MYO3B: variants seen among roughly 807,000 people sequenced by gnomAD.
The protein encoded by MYO3B is myosin-IIIb.
Under a neutral mutation model 174.6 loss-of-function variants are expected in MYO3B, and 156 were observed. That is an observed-to-expected ratio of 0.89 (90% CI 0.78 to 1.02). The LOEUF (loss-of-function observed/expected upper bound fraction) is 1.02, where lower values mean the gene tolerates loss of function less well. Ranked by LOEUF, MYO3B falls within the 50% of genes least tolerant of loss-of-function variation. The probability of loss-of-function intolerance (pLI) is 0.00; values close to 1 mark genes in which losing one functional copy is unlikely to be tolerated. For synonymous variants in MYO3B, 563 were observed against 569.1 expected (o/e 0.99, Z 0.15); for missense variants, 1,632 against 1,639.4 (o/e 1.00, Z 0.08).
At chr2:170,249,855 A>G (rs536276063) in intron 7 of MYO3B, among the ~76,000 whole-genome samples, 5 of 152,222 alleles carry the variant, frequency 3.3e-5, no homozygotes, top group Admixed American at 2.0e-4. Flanking sequence ...CACAAAATGG[A>G]CAAGTGGCTT....
At chr2:170,605,509 C>A (rs898383460) in intron 32 of MYO3B, among the ~76,000 whole-genome samples, 6 of 152,126 alleles carry the variant, frequency 3.9e-5, no homozygotes, top group African/African-American at 7.2e-5. Flanking sequence ...AACTCTTGAT[C>A]CCCTCATGTC....
rs370333473 is a variant in MYO3B at position 170,404,255 on chromosome 2, T to C, written c.2286T>C (p.Tyr762=). 6.2e-7 allele frequency: 1 copy of C among 1,603,392 alleles called. No individual in the cohort carries two copies. Among genetic ancestry groups the C allele is most frequent in the Non-Finnish European group, 8.5e-7 (1 of 1,175,932 alleles). The change falls in exon 20 of 35, where the codon TAT becomes TAC. Residue 762 remains tyrosine (Y), a synonymous_variant. Transcript: ENST00000408978. The part of the protein sequence containing the change: ...QHVFALEQME[Y]QNEGIDAVPV... ...AATCCATTTCCCTCCAGATGGAATATCAGAATGAAGGCATTGATGCTGTAC... is the reference window on the plus strand; with the variant it reads ...AATCCATTTCCCTCCAGATGGAATACCAGAATGAAGGCATTGATGCTGTAC...
Position 170,369,215 on chromosome 2 carries a change from C to A in MYO3B, c.816-7C>A, listed in dbSNP as rs1158282260. The A allele has an allele frequency of 3.7e-6, 6 of 1,610,074 alleles. No homozygotes were observed. Among genetic ancestry groups the A allele is most frequent in the Non-Finnish European group, 5.1e-6 (6 of 1,177,438 alleles). ...ACTTTGGATTGTTTGTTGGTTTTTG[C>A]AAACAGGTGTCTTATTAAGGATTTT... On this transcript the variant is annotated splice_region_variant and splice_polypyrimidine_tract_variant and intron_variant, in intron 8 of 34. Transcript: ENST00000408978.
At chr2:170,331,233 A>G (rs2093909708) in intron 7 of MYO3B, among the ~76,000 whole-genome samples, 2 of 152,230 alleles carry the variant, frequency 1.3e-5, no homozygotes, top group South Asian at 4.1e-4. Context: ...CCATTTGTAT[A>G]TATCATGCAA....
chr2:170,617,554 T>TCC (rs1481809105), intron 32 of MYO3B, among the ~76,000 whole-genome samples: 1 of 152,180 alleles, frequency 6.6e-6, no homozygotes, highest in Admixed American at 6.5e-5. Flanking sequence ...TAACACTTTC[T>TCC]CCAGCCCAAA....
At chr2:170,597,140 G>C (rs141505603) in intron 32 of MYO3B, among the ~76,000 whole-genome samples, 18 of 152,162 alleles carry the variant, frequency 1.2e-4, no homozygotes, top group African/African-American at 4.3e-4. Context: ...AGCCACCATG[G>C]AACAAACCCT....
chr2:170,415,252 A>C lies in MYO3B; in HGVS notation c.2650+7408A>C, dbSNP rs185566684. Reference sequence around the variant, plus strand: ...TGCACTTACTGTTCCCTATATCTGGAACTTTTTTTTCTTTCCTAAGACATA... The same window carrying C: ...TGCACTTACTGTTCCCTATATCTGGCACTTTTTTTTCTTTCCTAAGACATA... On this transcript the variant is annotated intron_variant, in intron 22 of 34. Coordinates refer to ENST00000408978, the MANE Select transcript of MYO3B (RefSeq NM_138995.5). Among the ~76,000 whole-genome samples, 663 of 152,236 alleles carry C rather than the reference A, an allele frequency of 4.4e-3. 4 individuals carry two copies. Among genetic ancestry groups the C allele is most frequent in the Non-Finnish European group, 7.2e-3 (492 of 68,020 alleles).
intron 7 of MYO3B, among the ~76,000 whole-genome samples, chr2:170,297,715 A>G (rs1461109105): frequency 2.6e-5 from 4 of 152,194 alleles, no homozygotes; most frequent in Non-Finnish European, 5.9e-5. Context: ...CCAGAAATAT[A>G]TAGAGTAATA....
At chr2:170,451,871 C>T (rs1417353236) in intron 23 of MYO3B, among the ~76,000 whole-genome samples, 1 of 152,140 alleles carries the variant, frequency 6.6e-6, no homozygotes. Context: ...ATTAAGGGTC[C>T]CATTTTTATA....
intron 30 of MYO3B, among the ~76,000 whole-genome samples, chr2:170,528,202 C>T (rs1394959879): frequency 2.0e-5 from 3 of 152,132 alleles, no homozygotes; most frequent in African/African-American, 7.2e-5. Flanking sequence ...AAAATAAGCT[C>T]CAAGTTTGGG....
At position 170,202,571 on chromosome 2, in the gene MYO3B, A is replaced by G. The variant is rs986270169; in HGVS notation, c.321+2287A>G. ...TTGGTTGTATGGCAGAACTGGAAGGAAAAGCATATTTCAGCACATTTTCTT... is the reference window on the plus strand; with the variant it reads ...TTGGTTGTATGGCAGAACTGGAAGGGAAAGCATATTTCAGCACATTTTCTT... On this transcript the variant is annotated intron_variant, in intron 3 of 34. Transcript: ENST00000408978. Among the ~76,000 whole-genome samples, 3 of 152,200 alleles carry G rather than the reference A, an allele frequency of 2.0e-5. No homozygotes were observed. In the East Asian group the frequency reaches 5.8e-4, roughly 29 times the overall value.
At chr2:170,443,865 T>C in intron 22 of MYO3B, 102 bp from the exon 23 acceptor site, 3 of 887,108 alleles carry the variant, frequency 3.4e-6, no homozygotes, top group Non-Finnish European at 4.9e-6. Flanking sequence ...GCAGATTGTT[T>C]TGAAAATTCA....
intron 32 of MYO3B, among the ~76,000 whole-genome samples, chr2:170,617,654 G>C (rs552058919): frequency 7.2e-5 from 11 of 152,124 alleles, no homozygotes; most frequent in African/African-American, 2.7e-4. Flanking sequence ...CTTTGGAGGC[G>C]CAACCCCTGC....
At chr2:170,363,950 A>G (rs972956945) in intron 8 of MYO3B, among the ~76,000 whole-genome samples, 3 of 152,226 alleles carry the variant, frequency 2.0e-5, no homozygotes, top group South Asian at 4.1e-4. Context: ...TGATTTGGGG[A>G]AAAGTAGTGT....
In MYO3B at chr2:170,390,768, A is replaced by T. The variant is rs192957427; in HGVS notation, c.1578-752A>T. ...ACTCTGTGCTAAGGGACCACTTTTT[A>T]AAAAAAATCTCCAACCCATTTTGAA... On this transcript the variant is annotated intron_variant, in intron 14 of 34. Transcript: ENST00000408978. Among the ~76,000 whole-genome samples the T allele has an allele frequency of 2.0e-3, 306 of 152,218 alleles. 1 individual carries two copies. The highest frequency in any genetic ancestry group is 6.6e-3 in the African/African-American group (274 of 41,544).
intron 32 of MYO3B, among the ~76,000 whole-genome samples, chr2:170,558,095 A>G (rs1691451200): frequency 6.6e-6 from 1 of 152,168 alleles, no homozygotes; most frequent in African/African-American, 2.4e-5. Flanking sequence ...AGGTCAGGAG[A>G]TCAAGACCAT....
At chr2:170,343,973 A>G (rs1394811470) in intron 8 of MYO3B, 1 of 152,258 alleles carries the variant, frequency 6.6e-6, no homozygotes, top group Non-Finnish European at 1.5e-5. Context: ...ACTTGAAATC[A>G]GCTGGGAGTT....
intron 3 of MYO3B, among the ~76,000 whole-genome samples, chr2:170,203,545 A>C (rs901882093): frequency 1.2e-4 from 18 of 151,434 alleles, no homozygotes; most frequent in Non-Finnish European, 2.5e-4. Context: ...AGACAGAGAG[A>C]CCGACAGACC....
intron 8 of MYO3B, among the ~76,000 whole-genome samples, chr2:170,342,516 T>A (rs1454672042): frequency 2.3e-5 from 3 of 131,826 alleles, no homozygotes; most frequent in Non-Finnish European, 4.9e-5. Context: ...GCTGTGTCAC[T>A]TACTGGCTGT....
Sources: gnomAD v4.1 joint callset for allele counts (sites outside exome capture counted in the v4.1 genomes callset) on GRCh38, gnomAD v4.1.1 for gene constraint, MANE v1.5 for transcripts, NCBI Gene and HGNC (gene_info 2026-07-23, HGNC 2026-07-21) for gene names.